PPIL4: variants seen among roughly 807,000 people sequenced by gnomAD.
The protein encoded by PPIL4 is peptidyl-prolyl cis-trans isomerase-like 4.
In PPIL4, 50 loss-of-function variants were observed where a neutral mutation model predicts 69.1. That is an observed-to-expected ratio of 0.72 (90% confidence interval 0.58 to 0.92). The LOEUF is 0.92. PPIL4 is among the 40% of genes least tolerant of loss of function. The probability of loss-of-function intolerance (pLI) is 0.00; values close to 1 mark genes in which losing one functional copy is unlikely to be tolerated. For synonymous variants in PPIL4, 193 were observed against 191.6 expected (o/e 1.01, Z -0.06); for missense variants, 480 against 587.9 (o/e 0.82, Z 1.90).
intron 7 of PPIL4, among the ~76,000 whole-genome samples, chr6:149,530,047 C>T (rs1411056137): frequency 6.6e-6 from 1 of 152,086 alleles, no homozygotes; most frequent in Non-Finnish European, 1.5e-5. Context: ...AGTGAAACTA[C>T]CTTGAATGAT....
At chr6:149,529,579 G>A (rs1018152132) in intron 7 of PPIL4, among the ~76,000 whole-genome samples, 4 of 151,344 alleles carry the variant, frequency 2.6e-5, no homozygotes, top group African/African-American at 7.3e-5. Flanking sequence ...TGGCTAACAC[G>A]GTGAAACCTC....
At chr6:149,545,906 G>A in intron 1 of PPIL4, 30 bp downstream of exon 1, 4 of 1,560,854 alleles carry the variant, frequency 2.6e-6, no homozygotes, top group Non-Finnish European at 3.5e-6. Flanking sequence ...CGGGGGCCCC[G>A]GCGACAGGTG....
intron 9 of PPIL4, among the ~76,000 whole-genome samples, chr6:149,522,908 G>GCCT (rs1312657388): frequency 1.3e-5 from 2 of 152,102 alleles, no homozygotes; most frequent in African/African-American, 4.8e-5. Flanking sequence ...ACCACGCCTG[G>GCCT]CCAGGACAAC....
At chr6:149,540,018 A>G (rs1374549761) in intron 4 of PPIL4, among the ~76,000 whole-genome samples, 2 of 151,998 alleles carry the variant, frequency 1.3e-5, no homozygotes, top group Non-Finnish European at 2.9e-5. Context: ...TAATCCCGCT[A>G]CTCGGGAGGC....
Position 149,535,585 on chromosome 6 carries a change from T to G in PPIL4, c.464+11A>C, listed in dbSNP as rs1307131358. On this transcript the variant is annotated intron_variant, in intron 5 of 12. Transcript: ENST00000253329. ...ATTCTAGTACATTCAGATAGCAAAT[T>G]GTAACCATACCTGATATCCTGATAT... is the stretch of plus-strand genomic sequence containing the variant. The G allele has an allele frequency of 6.2e-7, 1 of 1,606,216 alleles. No individual in the cohort carries two copies. Among genetic ancestry groups the G allele is most frequent in the East Asian group, 2.2e-5 (1 of 44,802 alleles).
At chr6:149,542,307 A>C (rs1157799268) in intron 1 of PPIL4, among the ~76,000 whole-genome samples, 1 of 152,314 alleles carries the variant, frequency 6.6e-6, no homozygotes, top group East Asian at 1.9e-4. Context: ...ATAGTTAAAC[A>C]GCCCTTTATA....
intron 6 of PPIL4, 115 bp from the exon 7 acceptor site, chr6:149,533,689 A>G: frequency 1.7e-6 from 1 of 602,192 alleles, no homozygotes; most frequent in Middle Eastern, 4.4e-4. Flanking sequence ...TAACTGATCA[A>G]GGTTGCAGTG....
intron 11 of PPIL4, among the ~76,000 whole-genome samples, chr6:149,515,013 T>A (rs1562257128): frequency 6.6e-6 from 1 of 152,032 alleles, no homozygotes; most frequent in Non-Finnish European, 1.5e-5. Context: ...ATTTTTTGTA[T>A]TTTTAGTAGA....
chr6:149,507,177 C>A (rs1383261932), intron 12 of PPIL4, among the ~76,000 whole-genome samples: 1 of 152,174 alleles, frequency 6.6e-6, no homozygotes, highest in East Asian at 1.9e-4. Flanking sequence ...GTGATGAATA[C>A]CCATGGTTAA....
At chr6:149,525,308 C>A in intron 8 of PPIL4, 99 bp from the exon 9 acceptor site, 1 of 612,286 alleles carries the variant, frequency 1.6e-6, no homozygotes, top group Non-Finnish European at 2.9e-6. Flanking sequence ...TCAGTTACTA[C>A]AAGGCAAAGT....
chr6:149,529,178 T>C (rs1167515297), intron 7 of PPIL4, among the ~76,000 whole-genome samples: 1 of 151,158 alleles, frequency 6.6e-6, no homozygotes, highest in Non-Finnish European at 1.5e-5. Flanking sequence ...TAGTGAGCTA[T>C]GACAGCACCA....
chr6:149,530,217 GA>G (rs1425847422), intron 7 of PPIL4, among the ~76,000 whole-genome samples: 2 of 152,182 alleles, frequency 1.3e-5, no homozygotes, highest in South Asian at 2.1e-4. Context: ...AAGACTGGGG[GA>G]AAGAGGGAGG....
At position 149,535,686 on chromosome 6, in the gene PPIL4, A is replaced by G. The variant is rs754596173; in HGVS notation, c.374T>C (p.Val125Ala). ...NLDYLDGVHT[V>A]FGEVTEGMDI... is the part of the protein sequence containing the mutation. ...CATGCCTTCTGTCACCTCACCAAACACCGTATGGACACCATCAAGATAATC... is the reference window on the plus strand; with the variant it reads ...CATGCCTTCTGTCACCTCACCAAACGCCGTATGGACACCATCAAGATAATC... Residue 125 changes from valine (V) to alanine (A), a missense_variant, in exon 5 of 13, where the codon GTG (valine) becomes GCG (alanine). Val to Ala is a moderately conservative substitution (Grantham distance 64). Coordinates refer to ENST00000253329, the MANE Select transcript of PPIL4 (RefSeq NM_139126.4). The G allele has an allele frequency of 3.7e-6, 6 of 1,610,776 alleles. No individual in the cohort carries two copies. In the Admixed American group the frequency reaches 1.0e-4, roughly 27 times the overall value.
intron 12 of PPIL4, among the ~76,000 whole-genome samples, chr6:149,509,167 A>G (rs1459001450): frequency 1.3e-5 from 2 of 152,150 alleles, no homozygotes; most frequent in Non-Finnish European, 2.9e-5. Context: ...ATAATTTTAT[A>G]GTTAATATTG....
In PPIL4 at chr6:149,512,292, C is replaced by T. The variant is rs1335681406; in HGVS notation, c.1090G>A (p.Asp364Asn). The T allele has an allele frequency of 3.2e-5, 51 of 1,610,898 alleles. No individual in the cohort carries two copies. Among genetic ancestry groups the T allele is most frequent in the Non-Finnish European group, 4.1e-5 (48 of 1,178,066 alleles). Residue 364 changes from aspartate (D) to asparagine (N), a missense_variant, in exon 12 of 13, where the codon GAT (aspartate) becomes AAT (asparagine). By Grantham distance (23) the Asp-to-Asn change is conservative (BLOSUM62 1). Transcript: ENST00000253329. Reference protein sequence around the residue: ...KVKPKQDTKYDLILDEQAEDS... With the variant: ...KVKPKQDTKYNLILDEQAEDS... ...TCGGCCTGCTCATCTAATATAAGATCGTATTTTGTACTGCAGTAGTTAGTT... is the reference window on the plus strand; with the variant it reads ...TCGGCCTGCTCATCTAATATAAGATTGTATTTTGTACTGCAGTAGTTAGTT...
At chr6:149,530,248 G>A (rs1250478250) in intron 7 of PPIL4, among the ~76,000 whole-genome samples, 3 of 152,106 alleles carry the variant, frequency 2.0e-5, no homozygotes, top group African/African-American at 7.2e-5. Context: ...GAAACTCTCT[G>A]TACTTTATGT....
chr6:149,522,163 T>G lies in PPIL4; in HGVS notation c.871-992A>C, dbSNP rs141042391. Among the ~76,000 whole-genome samples the G allele has an allele frequency of 1.4e-3, 216 of 152,330 alleles. 1 individual carries two copies. The highest frequency in any genetic ancestry group is 5.1e-3 in the African/African-American group (210 of 41,580). On this transcript the variant is annotated intron_variant, in intron 9 of 12. Coordinates refer to ENST00000253329, the MANE Select transcript of PPIL4 (RefSeq NM_139126.4). ...TCAGTGTACGTTTCATGAATCTGAC[T>G]GATTATTTTCAGGCAGGTATAATTC...
intron 9 of PPIL4, among the ~76,000 whole-genome samples, chr6:149,522,562 T>A (rs1453580599): frequency 6.6e-6 from 1 of 152,138 alleles, no homozygotes; most frequent in African/African-American, 2.4e-5. Context: ...GACAACTTTT[T>A]TTATTATTTT....
chr6:149,531,744 A>T (rs1405130818), intron 7 of PPIL4, among the ~76,000 whole-genome samples: 1 of 151,916 alleles, frequency 6.6e-6, no homozygotes, highest in Non-Finnish European at 1.5e-5. Context: ...ATCTCGGCTC[A>T]CAGCAACTTT....
Sources: allele counts gnomAD v4.1 joint callset (sites outside exome capture counted in the v4.1 genomes callset), GRCh38; gene constraint gnomAD v4.1.1; transcripts MANE v1.5; gene names NCBI Gene and HGNC (gene_info 2026-07-23, HGNC 2026-07-21).